DHX15: variants seen among roughly 807,000 people sequenced by gnomAD.
The protein encoded by DHX15 is ATP-dependent RNA helicase DHX15.
Under a neutral mutation model 94.4 loss-of-function variants are expected in DHX15, and 11 were observed. That is an observed-to-expected ratio of 0.12 (90% confidence interval 0.07 to 0.19). DHX15 has a LOEUF of 0.19. DHX15 is among the 10% of genes least tolerant of loss of function. The probability of loss-of-function intolerance (pLI) is 1.00; values close to 1 mark genes in which losing one functional copy is unlikely to be tolerated. For synonymous variants in DHX15, 338 were observed against 329.9 expected (o/e 1.02, Z -0.27); for missense variants, 304 against 988.5 (o/e 0.31, Z 9.29).
At chr4:24,570,623 C>T in intron 3 of DHX15, 31 bp downstream of exon 3, 3 of 1,604,612 alleles carry the variant, frequency 1.9e-6, no homozygotes, top group South Asian at 1.1e-5. Flanking sequence ...AAGCAGAGGA[C>T]TAAAAGCGTC....
chr4:24,527,872 C>T lies in DHX15; in HGVS notation c.*52G>A. 1.5e-6 allele frequency: 2 copies of T among 1,346,726 alleles called. No individual in the cohort carries two copies. The highest frequency in any genetic ancestry group is 1.2e-5 in the South Asian group (1 of 83,688). 83.4% of individuals were successfully genotyped at this position (1,346,726 alleles called of 1,614,324 possible). A position where few individuals can be genotyped will look rare whatever the true frequency, so the allele number is the denominator to read the frequency against. The stretch of plus-strand genomic sequence containing the variant: ...AGAGCACAACTCGAACTTTTGAGTT[C>T]ATTCATCTTTTAAAGCTGTCCTCTC... On this transcript the variant is annotated 3_prime_UTR_variant, in exon 14 of 14. Coordinates refer to ENST00000336812, the MANE Select transcript of DHX15 (RefSeq NM_001358.3).
chr4:24,581,637 C>T (rs574987357), intron 1 of DHX15, among the ~76,000 whole-genome samples: 1 of 151,418 alleles, frequency 6.6e-6, no homozygotes, highest in South Asian at 2.1e-4. Flanking sequence ...GCATGCTCCA[C>T]AAATGTTATC....
intron 7 of DHX15, among the ~76,000 whole-genome samples, 196 bp downstream of exon 7, chr4:24,542,744 G>A (rs1170943504): frequency 6.6e-6 from 1 of 151,856 alleles, no homozygotes; most frequent in Non-Finnish European, 1.5e-5. Context: ...AGAAAAAAAA[G>A]CCTAGAATTA....
chr4:24,579,092 G>GT (rs1221664970), intron 1 of DHX15, among the ~76,000 whole-genome samples: 4 of 152,136 alleles, frequency 2.6e-5, no homozygotes, highest in African/African-American at 9.7e-5. Context: ...AAGATAAAAG[G>GT]TTAGCTGCTG....
chr4:24,561,103 G>A (rs1056069838), intron 3 of DHX15, among the ~76,000 whole-genome samples: 3 of 152,070 alleles, frequency 2.0e-5, no homozygotes, highest in Admixed American at 6.5e-5. Flanking sequence ...ATGTGTATGC[G>A]TGAAAAAAAT....
In DHX15 at chr4:24,529,603, T is replaced by C; in HGVS notation, c.2268A>G (p.Glu756=). The part of the protein sequence containing the change: ...YIRTCTDIKP[E]WLVKIAPQYY... ...GTTAGAACAAAAGGTGTACTTACCATTCTGGCTTGATATCTGTACATGTCC... is the reference window on the plus strand; with the variant it reads ...GTTAGAACAAAAGGTGTACTTACCACTCTGGCTTGATATCTGTACATGTCC... The change falls in exon 13 of 14, where the codon GAA becomes GAG. Residue 756 remains glutamate (E), a splice_region_variant and synonymous_variant. Coordinates refer to ENST00000336812, the MANE Select transcript of DHX15 (RefSeq NM_001358.3). 6 of 1,613,998 alleles carry C rather than the reference T, an allele frequency of 3.7e-6. No homozygotes were observed. The highest frequency in any genetic ancestry group is 5.1e-6 in the Non-Finnish European group (6 of 1,179,964).
At chr4:24,584,208 A>C in intron 1 of DHX15, 115 bp downstream of exon 1, 2 of 1,119,086 alleles carry the variant, frequency 1.8e-6, no homozygotes, top group Non-Finnish European at 2.6e-6. Flanking sequence ...CCCAGCCCAG[A>C]GAGAAACAAA....
chr4:24,543,163 A>G (rs1162228473), intron 6 of DHX15, 137 bp from the exon 7 acceptor site: 6 of 610,820 alleles, frequency 9.8e-6, no homozygotes, highest in Non-Finnish European at 1.4e-5. Flanking sequence ...TTTGATCTTC[A>G]ATGGCCAATG....
chr4:24,571,281 A>T (rs2109009093), intron 2 of DHX15, among the ~76,000 whole-genome samples: 1 of 152,252 alleles, frequency 6.6e-6, no homozygotes, highest in South Asian at 2.1e-4. Flanking sequence ...TTCAATTCAA[A>T]TTTGGTTTAT....
At chr4:24,582,011 C>A (rs762102243) in intron 1 of DHX15, among the ~76,000 whole-genome samples, 1 of 152,026 alleles carries the variant, frequency 6.6e-6, no homozygotes, top group Non-Finnish European at 1.5e-5. Flanking sequence ...CCCTATCTGG[C>A]AGTGGAGTTT....
At chr4:24,565,904 G>GA (rs1481998763) in intron 3 of DHX15, among the ~76,000 whole-genome samples, 1 of 152,054 alleles carries the variant, frequency 6.6e-6, no homozygotes, top group Non-Finnish European at 1.5e-5. Flanking sequence ...TTTTGAAAAA[G>GA]AAACAAGCAC....
intron 1 of DHX15, among the ~76,000 whole-genome samples, chr4:24,579,309 G>A (rs772691089): frequency 5.3e-5 from 8 of 152,178 alleles, no homozygotes; most frequent in Admixed American, 1.3e-4. Context: ...ACCTTCCTTC[G>A]ATGAGAGAGG....
chr4:24,531,534 G>A (rs563021011), intron 12 of DHX15, among the ~76,000 whole-genome samples: 68 of 152,000 alleles, frequency 4.5e-4, no homozygotes, highest in Non-Finnish European at 9.4e-4. Context: ...GCAACGTGGC[G>A]AGGCCCTCTC....
intron 1 of DHX15, among the ~76,000 whole-genome samples, chr4:24,582,395 A>C (rs1029182929): frequency 6.6e-6 from 1 of 152,232 alleles, no homozygotes; most frequent in Non-Finnish European, 1.5e-5. Flanking sequence ...GAAAGTAAAC[A>C]ATCGCACATA....
intron 12 of DHX15, 27 bp downstream of exon 12, chr4:24,532,836 GT>G (rs1721114429): frequency 6.8e-7 from 1 of 1,477,318 alleles, no homozygotes; most frequent in South Asian, 1.3e-5. Context: ...TGAATACTTA[GT>G]TATTCATTCC....
intron 3 of DHX15, among the ~76,000 whole-genome samples, chr4:24,560,756 C>T (rs1038452927): frequency 6.6e-6 from 1 of 152,108 alleles, no homozygotes; most frequent in Non-Finnish European, 1.5e-5. Context: ...AAACAGCTAT[C>T]AACTAGGTAG....
chr4:24,558,015 A>AT (rs1372641694), intron 3 of DHX15, among the ~76,000 whole-genome samples: 1 of 151,374 alleles, frequency 6.6e-6, no homozygotes, highest in African/African-American at 2.4e-5. Context: ...CTCTTCCAAC[A>AT]TTTGCTCAAA....
chr4:24,529,471 T>C, intron 13 of DHX15, 130 bp downstream of exon 13: 1 of 732,090 alleles, frequency 1.4e-6, no homozygotes, highest in Non-Finnish European at 2.3e-6. Context: ...ATCCAGTCAA[T>C]TCCCTCATAC....
chr4:24,534,987 G>GA (rs1384425550), intron 11 of DHX15, among the ~76,000 whole-genome samples: 1 of 143,824 alleles, frequency 7.0e-6, no homozygotes, highest in East Asian at 2.0e-4. Context: ...TCTCTTATTT[G>GA]AAAAGGTGGC....
Sources: allele counts gnomAD v4.1 joint callset (sites outside exome capture counted in the v4.1 genomes callset), GRCh38; gene constraint gnomAD v4.1.1; transcripts MANE v1.5; gene names NCBI Gene and HGNC (gene_info 2026-07-23, HGNC 2026-07-21).